EXT1: variants seen among roughly 807,000 people sequenced by gnomAD.
EXT1 encodes exostosin glycosyltransferase 1.
A neutral mutation model predicts 82.5 loss-of-function variants in EXT1; 20 were observed. That is an observed-to-expected ratio of 0.24 (90% CI 0.17 to 0.35). The LOEUF (loss-of-function observed/expected upper bound fraction) is 0.35. Ranked by LOEUF, EXT1 falls within the 10% of genes least tolerant of loss-of-function variation. The pLI is 1.00. For missense variants in EXT1, 757 were observed against 936.5 expected (o/e 0.81, Z 2.50); for synonymous variants, 348 against 350.8 (o/e 0.99, Z 0.09).
At chr8:118,055,424 T>C (rs1816779887) in intron 1 of EXT1, among the ~76,000 whole-genome samples, 1 of 152,250 alleles carries the variant, frequency 6.6e-6, no homozygotes, top group South Asian at 2.1e-4. Context: ...GTGGCTACTA[T>C]AAATAAAGCT....
Position 117,799,439 on chromosome 8 carries a change from C to T in EXT1, c.*273G>A. ...GTTTAAACCTGCATAGCAATCATTT[C>T]AAAAATAATTATTTAATGTTCCATA... On this transcript the variant is annotated 3_prime_UTR_variant, in exon 11 of 11. Transcript: ENST00000378204. The T allele has an allele frequency of 2.3e-6, 1 of 429,978 alleles. No homozygotes were observed. The highest frequency in any genetic ancestry group is 3.6e-5 in the South Asian group (1 of 28,066). 26.6% of individuals were successfully genotyped at this position (429,978 alleles called of 1,614,324 possible).
intron 1 of EXT1, among the ~76,000 whole-genome samples, chr8:117,938,612 A>C (rs1264504492): frequency 2.6e-5 from 4 of 152,356 alleles, no homozygotes; most frequent in African/African-American, 9.6e-5. Context: ...GCATCACAGA[A>C]AGTTCTCCTG....
intron 1 of EXT1, among the ~76,000 whole-genome samples, chr8:118,009,678 T>C (rs1346511870): frequency 6.6e-6 from 1 of 152,200 alleles, no homozygotes; most frequent in Non-Finnish European, 1.5e-5. Flanking sequence ...ACTGGTGGCA[T>C]TAGAATCTCA....
chr8:117,896,936 C>A (rs926674796), intron 1 of EXT1, among the ~76,000 whole-genome samples: 1 of 152,146 alleles, frequency 6.6e-6, no homozygotes, highest in African/African-American at 2.4e-5. Context: ...CACCCAGGGT[C>A]CCAGCCCCCC....
intron 1 of EXT1, among the ~76,000 whole-genome samples, chr8:117,960,825 A>G (rs1233396813): frequency 2.6e-5 from 4 of 152,178 alleles, no homozygotes; most frequent in Non-Finnish European, 5.9e-5. Flanking sequence ...AGCCTGGGGC[A>G]ATTTGTGTGA....
chr8:117,855,937 T>C (rs555139425), intron 1 of EXT1, among the ~76,000 whole-genome samples: 1 of 152,346 alleles, frequency 6.6e-6, no homozygotes, highest in Non-Finnish European at 1.5e-5. Flanking sequence ...CCCAAAGTGC[T>C]GGGATTACAG....
chr8:117,975,261 A>G (rs1815040950), intron 1 of EXT1, among the ~76,000 whole-genome samples: 1 of 152,222 alleles, frequency 6.6e-6, no homozygotes, highest in South Asian at 2.1e-4. Flanking sequence ...GGTCAAAGCT[A>G]TAAAGTATCA....
At chr8:118,033,081 G>A (rs1178707833) in intron 1 of EXT1, among the ~76,000 whole-genome samples, 1 of 152,136 alleles carries the variant, frequency 6.6e-6, no homozygotes, top group East Asian at 1.9e-4. Flanking sequence ...TATGCCCATT[G>A]CAATGCGCTA....
chr8:117,852,828 A>T (rs1812479610), intron 1 of EXT1, among the ~76,000 whole-genome samples: 1 of 152,190 alleles, frequency 6.6e-6, no homozygotes, highest in Non-Finnish European at 1.5e-5. Context: ...CAAAATAAAA[A>T]ATCCTGTTCC....
intron 1 of EXT1, among the ~76,000 whole-genome samples, chr8:118,090,273 AAATT>A (rs1817498651): frequency 6.6e-6 from 1 of 152,032 alleles, no homozygotes; most frequent in Non-Finnish European, 1.5e-5. Flanking sequence ...ATAAAATAAA[AAATT>A]AGCAGGGTGT....
intron 1 of EXT1, among the ~76,000 whole-genome samples, chr8:117,946,114 G>T (rs541821521): frequency 6.6e-6 from 1 of 152,164 alleles, no homozygotes; most frequent in Non-Finnish European, 1.5e-5. Flanking sequence ...GGCCAGGCTG[G>T]TCTCGAACTT....
At chr8:117,856,777 C>A (rs1262918100) in intron 1 of EXT1, among the ~76,000 whole-genome samples, 1 of 152,068 alleles carries the variant, frequency 6.6e-6, no homozygotes, top group African/African-American at 2.4e-5. Context: ...AACAGACATG[C>A]AACGTAAATG....
At chr8:117,817,472 T>C (rs980122409) in intron 7 of EXT1, among the ~76,000 whole-genome samples, 5 of 152,176 alleles carry the variant, frequency 3.3e-5, no homozygotes, top group African/African-American at 1.2e-4. Flanking sequence ...TTTCATTTAG[T>C]AGTGACTATT....
intron 1 of EXT1, among the ~76,000 whole-genome samples, chr8:117,986,851 C>T (rs1815331596): frequency 6.6e-6 from 1 of 152,198 alleles, no homozygotes; most frequent in Admixed American, 6.5e-5. Flanking sequence ...GAGTATAAAA[C>T]ACCATCACAT....
At chr8:117,879,400 T>A (rs752642170) in intron 1 of EXT1, among the ~76,000 whole-genome samples, 3 of 151,950 alleles carry the variant, frequency 2.0e-5, no homozygotes, top group Non-Finnish European at 4.4e-5. Context: ...TGGTTAGATG[T>A]CAAACAATTC....
chr8:118,082,795 C>T (rs1229911681), intron 1 of EXT1, among the ~76,000 whole-genome samples: 1 of 152,130 alleles, frequency 6.6e-6, no homozygotes, highest in African/African-American at 2.4e-5. Context: ...TCTTTCCTAC[C>T]CACATGCCCG....
intron 1 of EXT1, among the ~76,000 whole-genome samples, chr8:117,927,596 TA>T (rs10719454): frequency 0.57 from 86,796 of 152,038 alleles, 27,058 homozygotes; most frequent in Middle Eastern, 0.77. Flanking sequence ...TACTGTCACT[TA>T]AAATAATAAT....
chr8:117,837,394 T>C (rs1812205260), intron 1 of EXT1, among the ~76,000 whole-genome samples, 193 bp from the exon 2 acceptor site: 1 of 152,176 alleles, frequency 6.6e-6, no homozygotes, highest in Non-Finnish European at 1.5e-5. Context: ...AATCATCATG[T>C]TGGACAAAGC....
chr8:117,849,700 T>C (rs17503648), intron 1 of EXT1, among the ~76,000 whole-genome samples: 1 of 152,218 alleles, frequency 6.6e-6, no homozygotes, highest in African/African-American at 2.4e-5. Flanking sequence ...TCTTTAGAGA[T>C]GTTTATGTAA....
Sources: gnomAD v4.1 joint callset for allele counts (sites outside exome capture counted in the v4.1 genomes callset) on GRCh38, gnomAD v4.1.1 for gene constraint, MANE v1.5 for transcripts, NCBI Gene and HGNC (gene_info 2026-07-23, HGNC 2026-07-21) for gene names.